Variants in COL25A1 observed in about 807,000 individuals in gnomAD.
The protein encoded by COL25A1 is collagen alpha-1(XXV) chain.
COL25A1 carries 103 observed loss-of-function variants against 128.4 expected under a neutral mutation model. The ratio of observed to expected loss-of-function variants is 0.80; its 90% CI spans 0.68 to 0.94. COL25A1 has a LOEUF of 0.94. Ranked by LOEUF, COL25A1 falls within the 40% of genes least tolerant of loss-of-function variation. COL25A1 has a pLI of 0.00. For missense variants in COL25A1, 745 were observed against 840.0 expected (o/e 0.89, Z 1.40); for synonymous variants, 279 against 277.2 (o/e 1.01, Z -0.06).
At chr4:108,990,142 G>A (rs1754026825) in intron 6 of COL25A1, among the ~76,000 whole-genome samples, 2 of 141,256 alleles carry the variant, frequency 1.4e-5, no homozygotes, top group Non-Finnish European at 3.0e-5. Context: ...AATCCGGGAG[G>A]CAGAGGTTGC....
intron 32 of COL25A1, among the ~76,000 whole-genome samples, chr4:108,831,175 C>T (rs1299309922): frequency 6.6e-6 from 1 of 151,304 alleles, no homozygotes; most frequent in Non-Finnish European, 1.5e-5. Flanking sequence ...TTTTTTGCAG[C>T]ATTCAGTATA....
chr4:108,831,754 G>C (rs1733147929), intron 32 of COL25A1, among the ~76,000 whole-genome samples: 1 of 151,808 alleles, frequency 6.6e-6, no homozygotes, highest in Non-Finnish European at 1.5e-5. Flanking sequence ...GAAAGTTCCA[G>C]ACAGATGACC....
chr4:108,946,498 T>G (rs1312206365), intron 8 of COL25A1, among the ~76,000 whole-genome samples: 2 of 152,214 alleles, frequency 1.3e-5, no homozygotes, highest in East Asian at 1.9e-4. Context: ...GTTTAAATAT[T>G]AGAAAGCTTT....
rs1360857226 is a variant in COL25A1 at position 109,203,747 on chromosome 4, T to A, written c.367+96836A>T. Among the ~76,000 whole-genome samples, 1,277 of 152,276 alleles carry A rather than the reference T, an allele frequency of 8.4e-3. 53 individuals carry two copies. The South Asian group carries it at 0.14, about 16-fold the overall frequency. On this transcript the variant is annotated intron_variant, in intron 3 of 37. Transcript: ENST00000399132. ...AAATAAATAAAAGTAAAGCAATGTT[T>A]AATTCCAAGGGAAAAATTTAATCAT... is the stretch of plus-strand genomic sequence containing the variant.
At chr4:109,000,276 G>A (rs9999773) in intron 6 of COL25A1, among the ~76,000 whole-genome samples, 121,002 of 152,102 alleles carry the variant, frequency 0.8, 49,310 homozygotes, top group East Asian at 1. Flanking sequence ...TATTATTTCA[G>A]TCCTCACACT....
chr4:109,006,990 T>C (rs972121647), intron 6 of COL25A1, among the ~76,000 whole-genome samples: 4 of 152,190 alleles, frequency 2.6e-5, no homozygotes, highest in Non-Finnish European at 4.4e-5. Context: ...CGATCTGTGC[T>C]GTAAACCACC....
rs141598572 is a variant in COL25A1, at chr4:109,134,581, G to A, written c.368-84402C>T. Among the ~76,000 whole-genome samples, 145 of 152,246 alleles carry A rather than the reference G, an allele frequency of 9.5e-4. 1 individual carries two copies. Among genetic ancestry groups the A allele is most frequent in the East Asian group, 5.4e-3 (28 of 5,168 alleles). On this transcript the variant is annotated intron_variant, in intron 3 of 37. Transcript: ENST00000399132. The stretch of plus-strand genomic sequence containing the variant: ...TTATGATATCTATAAGCATGACATA[G>A]CCCTCAGGTGTTTGGGGAAGAAAAA...
At chr4:108,956,244 G>T (rs771701724) in intron 8 of COL25A1, among the ~76,000 whole-genome samples, 2 of 152,098 alleles carry the variant, frequency 1.3e-5, no homozygotes, top group African/African-American at 4.8e-5. Context: ...GTGGTATGCC[G>T]AGGTTTCTTA....
chr4:109,300,190 A>AC (rs1441936268), intron 3 of COL25A1, among the ~76,000 whole-genome samples: 2 of 151,962 alleles, frequency 1.3e-5, no homozygotes, highest in Admixed American at 6.6e-5. Context: ...ACAAAAAAAA[A>AC]AAAAAACTCT....
At chr4:108,975,211 T>G (rs1305208198) in intron 6 of COL25A1, among the ~76,000 whole-genome samples, 1 of 152,222 alleles carries the variant, frequency 6.6e-6, no homozygotes, top group African/African-American at 2.4e-5. Context: ...TCCCAGCACT[T>G]GGGGAGGCCA....
intron 3 of COL25A1, among the ~76,000 whole-genome samples, chr4:109,279,704 C>G (rs562765550): frequency 6.6e-6 from 1 of 152,116 alleles, no homozygotes; most frequent in Non-Finnish European, 1.5e-5. Flanking sequence ...TAGGCACATA[C>G]ACGTGTTGAA....
intron 3 of COL25A1, among the ~76,000 whole-genome samples, chr4:109,257,097 C>T (rs1392191022): frequency 6.6e-6 from 1 of 152,098 alleles, no homozygotes; most frequent in African/African-American, 2.4e-5. Context: ...AAATTCCTAG[C>T]CTAATTGCTA....
chr4:108,961,735 C>T (rs191750676), intron 8 of COL25A1, among the ~76,000 whole-genome samples: 5 of 152,112 alleles, frequency 3.3e-5, no homozygotes, highest in African/African-American at 4.8e-5. Context: ...TTAGCAGTCC[C>T]GGAAATATAA....
intron 3 of COL25A1, among the ~76,000 whole-genome samples, chr4:109,242,989 A>G (rs569470213): frequency 3.9e-4 from 60 of 152,070 alleles, no homozygotes; most frequent in Non-Finnish European, 7.6e-4. Flanking sequence ...TTCATGCTGG[A>G]CATTATATCT....
At chr4:109,105,388 C>T (rs1409791834) in intron 3 of COL25A1, among the ~76,000 whole-genome samples, 1 of 152,090 alleles carries the variant, frequency 6.6e-6, no homozygotes, top group Non-Finnish European at 1.5e-5. Context: ...GCAGGAGAAT[C>T]ACTTGAACCC....
chr4:108,930,714 A>G (rs1173485408), intron 11 of COL25A1, among the ~76,000 whole-genome samples: 1 of 152,246 alleles, frequency 6.6e-6, no homozygotes, highest in Admixed American at 6.5e-5. Context: ...TTGAACTCCA[A>G]GGAGTGCAAG....
chr4:109,041,093 C>T (rs1299740216), intron 5 of COL25A1, among the ~76,000 whole-genome samples: 1 of 152,034 alleles, frequency 6.6e-6, no homozygotes, highest in African/African-American at 2.4e-5. Context: ...GAATATAAAA[C>T]CAGACACATA....
intron 12 of COL25A1, 62 bp from the exon 13 acceptor site, chr4:108,918,278 T>C: frequency 8.3e-7 from 1 of 1,208,654 alleles, no homozygotes; most frequent in Non-Finnish European, 1.2e-6. Flanking sequence ...ATTCTAAATT[T>C]ATATTGTATT....
chr4:108,935,641 G>C (rs1340460003), intron 11 of COL25A1, among the ~76,000 whole-genome samples: 1 of 151,940 alleles, frequency 6.6e-6, no homozygotes, highest in Non-Finnish European at 1.5e-5. Flanking sequence ...AAAAAAACCA[G>C]TATTGTTTCA....
Sources: gnomAD v4.1 joint callset for allele counts (sites outside exome capture counted in the v4.1 genomes callset) on GRCh38, gnomAD v4.1.1 for gene constraint, MANE v1.5 for transcripts, NCBI Gene and HGNC (gene_info 2026-07-23, HGNC 2026-07-21) for gene names.